The following PITPNC1 variants were observed in gnomAD, a reference collection of about 807,000 sequenced individuals.
PITPNC1 encodes the protein cytoplasmic phosphatidylinositol transfer protein 1.
In PITPNC1, 18 loss-of-function variants were observed where a neutral mutation model predicts 44.7. That is an observed-to-expected ratio of 0.40 (90% CI 0.28 to 0.60). PITPNC1 has a LOEUF of 0.60. PITPNC1 is among the 20% of genes least tolerant of loss of function. The probability of loss-of-function intolerance (pLI) is 0.39; values close to 1 mark genes in which losing one functional copy is unlikely to be tolerated. For synonymous variants in PITPNC1, 141 were observed against 149.6 expected (o/e 0.94, Z 0.42); for missense variants, 290 against 418.4 (o/e 0.69, Z 2.68).
chr17:67,385,473 A>G (rs954953825), intron 1 of PITPNC1, among the ~76,000 whole-genome samples: 3 of 151,248 alleles, frequency 2.0e-5, no homozygotes, highest in Non-Finnish European at 4.4e-5. Context: ...ATAATGGCTG[A>G]CCACCCCTCC....
intron 5 of PITPNC1, among the ~76,000 whole-genome samples, chr17:67,601,997 C>G (rs1479308083): frequency 6.6e-6 from 1 of 151,980 alleles, no homozygotes; most frequent in Non-Finnish European, 1.5e-5. Flanking sequence ...TAATAAAGGT[C>G]AAAGATAACC....
intron 1 of PITPNC1, among the ~76,000 whole-genome samples, chr17:67,398,227 C>G (rs1280887589): frequency 1.3e-5 from 2 of 152,014 alleles, no homozygotes; most frequent in African/African-American, 4.8e-5. Flanking sequence ...CCAAATACAT[C>G]TTTATTAATC....
intron 4 of PITPNC1, among the ~76,000 whole-genome samples, chr17:67,559,458 C>T (rs1443268187): frequency 6.6e-6 from 1 of 152,166 alleles, no homozygotes; most frequent in East Asian, 1.9e-4. Flanking sequence ...ATATTTAGTG[C>T]AGTACATAAT....
chr17:67,527,953 A>G (rs751619953), intron 1 of PITPNC1, among the ~76,000 whole-genome samples: 40 of 152,192 alleles, frequency 2.6e-4, no homozygotes, highest in Non-Finnish European at 5.7e-4. Flanking sequence ...GTGAGCCATG[A>G]TCATGCCACT....
intron 1 of PITPNC1, among the ~76,000 whole-genome samples, chr17:67,428,128 G>A (rs559995230): frequency 6.6e-6 from 1 of 152,214 alleles, no homozygotes; most frequent in Non-Finnish European, 1.5e-5. Flanking sequence ...TTGAGTGGCT[G>A]GCACTACAGG....
intron 2 of PITPNC1, among the ~76,000 whole-genome samples, chr17:67,535,190 G>A (rs545920273): frequency 6.6e-6 from 1 of 152,354 alleles, no homozygotes; most frequent in East Asian, 1.9e-4. Flanking sequence ...CCAGTTCAGT[G>A]TCCAGCCAGC....
At chr17:67,631,039 G>GTGT (rs747376432) in intron 5 of PITPNC1, among the ~76,000 whole-genome samples, 2,302 of 141,844 alleles carry the variant, frequency 0.016, 54 homozygotes, top group African/African-American at 0.04. Flanking sequence ...TATTGCGGCT[G>GTGT]TGTTGTTGTT....
At chr17:67,564,362 G>A (rs561915349) in intron 4 of PITPNC1, among the ~76,000 whole-genome samples, 9 of 152,234 alleles carry the variant, frequency 5.9e-5, no homozygotes, top group African/African-American at 2.2e-4. Context: ...AGGTCCTGGA[G>A]TCCAAAGGCT....
In PITPNC1 at chr17:67,378,124, C is replaced by T. The variant is rs573522490; in HGVS notation, c.-31C>T. The T allele has an allele frequency of 1.3e-6, 2 of 1,513,072 alleles. No individual in the cohort carries two copies. The highest frequency in any genetic ancestry group is 1.8e-6 in the Non-Finnish European group (2 of 1,128,602). The allele number at this position is 1,513,072 out of a possible 1,614,324, so 93.7% of individuals were successfully genotyped here. A position where few individuals can be genotyped will look rare whatever the true frequency, so the allele number is the denominator to read the frequency against. On this transcript the variant is annotated 5_prime_UTR_variant, in exon 1 of 9. Coordinates refer to ENST00000581322, the MANE Select transcript of PITPNC1 (RefSeq NM_012417.4). ...CTGGTCTTGGGGGCGCCCCCCGCTT[C>T]CCGCCCCGGGGGTCCGCGGCCGGCA...
rs555916655 is a variant in PITPNC1 at position 67,386,493 on chromosome 17, T to G, written c.48+8291T>G. On this transcript the variant is annotated intron_variant, in intron 1 of 8. Coordinates refer to ENST00000581322, the MANE Select transcript of PITPNC1 (RefSeq NM_012417.4). ...CAGGTGTGAGCCACTGCGCCCCGCCTAAACTAAATTAATATAGTTTAAACA... is the reference window on the plus strand; with the variant it reads ...CAGGTGTGAGCCACTGCGCCCCGCCGAAACTAAATTAATATAGTTTAAACA... 9.0e-4 allele frequency among the ~76,000 whole-genome samples: 137 copies of G among 152,312 alleles called. 1 individual carries two copies. The highest frequency in any genetic ancestry group is 1.2e-3 in the East Asian group (6 of 5,188).
At chr17:67,441,798 T>A (rs2039016288) in intron 1 of PITPNC1, among the ~76,000 whole-genome samples, 1 of 152,146 alleles carries the variant, frequency 6.6e-6, no homozygotes, top group Non-Finnish European at 1.5e-5. Flanking sequence ...GCCCTGCTGT[T>A]CGGCAAGAGA....
chr17:67,391,643 G>T (rs1334237146), intron 1 of PITPNC1, among the ~76,000 whole-genome samples: 2 of 151,960 alleles, frequency 1.3e-5, no homozygotes, highest in Non-Finnish European at 2.9e-5. Flanking sequence ...GCCACGCCCG[G>T]CTAATTTTTA....
chr17:67,459,411 C>T (rs1056435409), intron 1 of PITPNC1, among the ~76,000 whole-genome samples: 3 of 152,182 alleles, frequency 2.0e-5, no homozygotes, highest in African/African-American at 7.2e-5. Flanking sequence ...AGCCACCGTG[C>T]CCAGCCTCTT....
intron 4 of PITPNC1, among the ~76,000 whole-genome samples, chr17:67,572,897 A>G (rs903639459): frequency 6.6e-6 from 1 of 152,112 alleles, no homozygotes; most frequent in African/African-American, 2.4e-5. Flanking sequence ...GAAGAAGGGG[A>G]TGTAAAGACG....
chr17:67,444,881 A>T (rs2039072765), intron 1 of PITPNC1, among the ~76,000 whole-genome samples: 1 of 152,034 alleles, frequency 6.6e-6, no homozygotes, highest in Non-Finnish European at 1.5e-5. Flanking sequence ...TGGGCGACAG[A>T]GCGAGACTCG....
At chr17:67,564,874 A>G (rs2040953379) in intron 4 of PITPNC1, among the ~76,000 whole-genome samples, 1 of 152,232 alleles carries the variant, frequency 6.6e-6, no homozygotes, top group African/African-American at 2.4e-5. Flanking sequence ...CACAGAAAAT[A>G]AAAGAACTTC....
chr17:67,489,631 C>A (rs7503321), intron 1 of PITPNC1, among the ~76,000 whole-genome samples: 1 of 152,200 alleles, frequency 6.6e-6, no homozygotes, highest in Non-Finnish European at 1.5e-5. Context: ...TTGAAAGCTT[C>A]CAGGCGAGTC....
chr17:67,468,161 A>G (rs926492338), intron 1 of PITPNC1, among the ~76,000 whole-genome samples: 8 of 152,182 alleles, frequency 5.3e-5, no homozygotes, highest in African/African-American at 1.7e-4. Context: ...AGGCAATGCT[A>G]TGGAAGGGTT....
chr17:67,541,468 T>TACACACAC (rs3051696), intron 2 of PITPNC1, among the ~76,000 whole-genome samples: 14 of 149,600 alleles, frequency 9.4e-5, no homozygotes, highest in African/African-American at 2.2e-4. Flanking sequence ...CAATTATACA[T>TACACACAC]ACACACACAC....
Sources: gnomAD v4.1 joint callset for allele counts (sites outside exome capture counted in the v4.1 genomes callset) on GRCh38, gnomAD v4.1.1 for gene constraint, MANE v1.5 for transcripts, NCBI Gene and HGNC (gene_info 2026-07-23, HGNC 2026-07-21) for gene names.